CNBD1: variants seen among roughly 807,000 people sequenced by gnomAD.
CNBD1 encodes cyclic nucleotide-binding domain-containing protein 1.
A neutral mutation model predicts 54.4 loss-of-function variants in CNBD1; 71 were observed. The ratio of observed to expected loss-of-function variants is 1.30; its 90% CI spans 1.08 to 1.59. The LOEUF (loss-of-function observed/expected upper bound fraction) is 1.59, where lower values mean the gene tolerates loss of function less well. Among genes scored for constraint, CNBD1 ranks in the 40% most tolerant of loss-of-function variants. The probability of loss-of-function intolerance (pLI) is 0.00; values close to 1 mark genes in which losing one functional copy is unlikely to be tolerated. For missense variants in CNBD1, 659 were observed against 518.0 expected (o/e 1.27, Z -2.64); for synonymous variants, 182 against 170.7 (o/e 1.07, Z -0.51).
chr8:87,109,540 C>CTTTCTTT (rs1554555995), intron 4 of CNBD1, among the ~76,000 whole-genome samples: 6 of 107,966 alleles, frequency 5.6e-5, no homozygotes, highest in South Asian at 3.3e-4. Context: ...TTCTTTCTTT[C>CTTTCTTT]TTTTTTTTTT....
intron 4 of CNBD1, among the ~76,000 whole-genome samples, chr8:87,002,769 A>C (rs577182622): frequency 7.9e-5 from 12 of 151,940 alleles, no homozygotes; most frequent in Admixed American, 7.9e-4. Flanking sequence ...TATTACTAAC[A>C]TACTTATGTA....
chr8:87,123,768 G>T (rs1811938899), intron 4 of CNBD1, among the ~76,000 whole-genome samples: 1 of 151,522 alleles, frequency 6.6e-6, no homozygotes, highest in South Asian at 2.1e-4. Flanking sequence ...CAAATTGTTA[G>T]ATTAAGTAGG....
chr8:87,321,536 GT>G (rs934192321), intron 8 of CNBD1, among the ~76,000 whole-genome samples: 1 of 151,958 alleles, frequency 6.6e-6, no homozygotes, highest in Non-Finnish European at 1.5e-5. Context: ...TTTTTAAAGG[GT>G]TTTTTGATTT....
chr8:87,205,739 A>G (rs1813958067), intron 4 of CNBD1, among the ~76,000 whole-genome samples: 2 of 152,158 alleles, frequency 1.3e-5, no homozygotes, highest in Non-Finnish European at 2.9e-5. Flanking sequence ...CTATTTAAAA[A>G]GAAATTTTCT....
intron 2 of CNBD1, among the ~76,000 whole-genome samples, chr8:87,419,511 A>T (rs1225280420): frequency 6.6e-6 from 1 of 151,982 alleles, no homozygotes; most frequent in Non-Finnish European, 1.5e-5. Flanking sequence ...ACATATTTAT[A>T]GAAATTGTTC....
At chr8:86,896,671 C>T (rs975950587) in intron 2 of CNBD1, among the ~76,000 whole-genome samples, 5 of 151,728 alleles carry the variant, frequency 3.3e-5, no homozygotes, top group African/African-American at 1.2e-4. Flanking sequence ...TACTGAATTC[C>T]TTCATTAGTT....
At chr8:87,371,532 CA>C (rs974612218) in intron 10 of CNBD1, among the ~76,000 whole-genome samples, 3 of 151,566 alleles carry the variant, frequency 2.0e-5, no homozygotes, top group Admixed American at 2.0e-4. Flanking sequence ...GAGACACAAC[CA>C]AAAAAGAGAA....
chr8:87,255,159 G>T (rs547596821), intron 6 of CNBD1, among the ~76,000 whole-genome samples: 1 of 152,156 alleles, frequency 6.6e-6, no homozygotes, highest in African/African-American at 2.4e-5. Flanking sequence ...ATTTCAGTTG[G>T]ATTATGTCAT....
intron 4 of CNBD1, among the ~76,000 whole-genome samples, chr8:87,040,677 G>A (rs1810049539): frequency 6.6e-6 from 1 of 151,590 alleles, no homozygotes; most frequent in Admixed American, 6.6e-5. Flanking sequence ...ACCCTCCTTG[G>A]CCTCCCAAAG....
At chr8:86,943,365 CAAA>C (rs1158061860) in intron 4 of CNBD1, among the ~76,000 whole-genome samples, 23 of 32,568 alleles carry the variant, frequency 7.1e-4, no homozygotes, top group African/African-American at 1.9e-3. Flanking sequence ...GACTCCATCT[CAAA>C]AAAAAAAAAA....
chr8:87,385,161 G>T (rs1217326766), downstream of CNBD1, among the ~76,000 whole-genome samples: 1 of 152,098 alleles, frequency 6.6e-6, no homozygotes, highest in Non-Finnish European at 1.5e-5. Flanking sequence ...GCCCAAATAG[G>T]ATCAGCTCCA....
chr8:87,089,803 A>T (rs1811171419), intron 4 of CNBD1, among the ~76,000 whole-genome samples: 1 of 151,950 alleles, frequency 6.6e-6, no homozygotes, highest in South Asian at 2.1e-4. Flanking sequence ...ATACTATTGG[A>T]TTATTAGTGT....
rs915459867 is a variant in CNBD1, at chr8:87,242,276, G to A, written c.771+5164G>A. Among the ~76,000 whole-genome samples, 7 of 152,112 alleles carry A rather than the reference G, an allele frequency of 4.6e-5. No individual in the cohort carries two copies. The South Asian group carries it at 8.3e-4, about 18-fold the overall frequency. ...GAAAATCAATATTCTATAGAAAATCGCCTTCCCTTTCCAGGTCTTTTTCCT... is the reference window on the plus strand; with the variant it reads ...GAAAATCAATATTCTATAGAAAATCACCTTCCCTTTCCAGGTCTTTTTCCT... On this transcript the variant is annotated intron_variant, in intron 6 of 10. Transcript: ENST00000518476.
chr8:86,872,437 C>A (rs1808455125), intron 1 of CNBD1, among the ~76,000 whole-genome samples: 1 of 151,944 alleles, frequency 6.6e-6, no homozygotes, highest in Non-Finnish European at 1.5e-5. Flanking sequence ...TTTATGTAGT[C>A]ACTATAGAGG....
rs575058138 is a variant in CNBD1 at position 86,880,905 on chromosome 8, A to G, written c.89-6637A>G. ...TCAAGAAATATGATTCATCACATAAACAGAACTAAAGACAAAAACCACATG... is the reference window on the plus strand; with the variant it reads ...TCAAGAAATATGATTCATCACATAAGCAGAACTAAAGACAAAAACCACATG... On this transcript the variant is annotated intron_variant, in intron 1 of 10. Coordinates refer to ENST00000518476, the MANE Select transcript of CNBD1 (RefSeq NM_173538.3). 2.0e-5 allele frequency among the ~76,000 whole-genome samples: 3 copies of G among 152,340 alleles called. No homozygotes were observed. In the East Asian group the frequency reaches 5.8e-4, roughly 29 times the overall value.
chr8:86,896,264 A>T (rs528604344), intron 2 of CNBD1, among the ~76,000 whole-genome samples: 9 of 152,228 alleles, frequency 5.9e-5, no homozygotes, highest in African/African-American at 2.2e-4. Context: ...GTATATAATA[A>T]CTGTACATGT....
chr8:87,405,793 C>T (rs1228602388), intron 2 of CNBD1, among the ~76,000 whole-genome samples: 3 of 152,140 alleles, frequency 2.0e-5, no homozygotes, highest in African/African-American at 7.2e-5. Context: ...GTGGCTAATA[C>T]ACCCTGGTCA....
At chr8:86,968,415 C>T (rs1808141864) in intron 4 of CNBD1, among the ~76,000 whole-genome samples, 1 of 152,080 alleles carries the variant, frequency 6.6e-6, no homozygotes, top group African/African-American at 2.4e-5. Flanking sequence ...AGAGTAAACA[C>T]TGAATAAAAA....
At chr8:87,173,412 A>AAGGGAT (rs1813132981) in intron 4 of CNBD1, among the ~76,000 whole-genome samples, 3 of 152,152 alleles carry the variant, frequency 2.0e-5, no homozygotes, top group African/African-American at 7.2e-5. Context: ...ATTGCTCATT[A>AAGGGAT]ACTTTCTTTT....
Sources: gnomAD v4.1 joint callset for allele counts (sites outside exome capture counted in the v4.1 genomes callset) on GRCh38, gnomAD v4.1.1 for gene constraint, MANE v1.5 for transcripts, NCBI Gene and HGNC (gene_info 2026-07-23, HGNC 2026-07-21) for gene names.